The following PAM variants were observed in gnomAD, a reference collection of about 807,000 sequenced individuals.
The protein encoded by PAM is peptidylglycine alpha-amidating monooxygenase, also known as peptidyl-glycine alpha-amidating monooxygenase.
PAM carries 72 observed loss-of-function variants against 122.1 expected under a neutral mutation model. That is an observed-to-expected ratio of 0.59 (90% CI 0.49 to 0.72). The LOEUF is 0.72. Ranked by LOEUF, PAM falls within the 30% of genes least tolerant of loss-of-function variation. The pLI is 0.00. For missense variants in PAM, 1,106 were observed against 1,183.7 expected (o/e 0.93, Z 0.96); for synonymous variants, 389 against 404.4 (o/e 0.96, Z 0.46).
At chr5:102,935,891 C>T (rs1436603157) in intron 7 of PAM, among the ~76,000 whole-genome samples, 1 of 152,124 alleles carries the variant, frequency 6.6e-6, no homozygotes, top group African/African-American at 2.4e-5. Context: ...CTAGTTCAAA[C>T]TAGGCCTACT....
intron 7 of PAM, among the ~76,000 whole-genome samples, chr5:102,930,629 A>G (rs975680589): frequency 6.6e-6 from 1 of 152,190 alleles, no homozygotes; most frequent in Admixed American, 6.5e-5. Context: ...CCTTGCTAGG[A>G]CTTGATTCCT....
chr5:102,949,972 G>A lies in PAM; in HGVS notation c.795G>A (p.Leu265=). The change falls in exon 11 of 26, where the codon CTG becomes CTA. Residue 265 remains leucine, a synonymous_variant. Transcript: ENST00000438793. ...WTLIGRQSPQ[L]PQAFYPVGHP... ...TGATTGGACGGCAGAGCCCTCAGCT[G>A]CCACAGGTGGGTAAAATCTAGTTTA... The A allele has an allele frequency of 1.9e-6, 3 of 1,542,948 alleles. No homozygotes were observed. The highest frequency in any genetic ancestry group is 1.7e-5 in the Admixed American group (1 of 59,674).
Position 102,925,057 on chromosome 5 carries a change from C to T in PAM, c.442+15C>T, listed in dbSNP as rs746916354. On this transcript the variant is annotated intron_variant, in intron 6 of 25. Coordinates refer to ENST00000438793, the MANE Select transcript of PAM (RefSeq NM_001177306.2). ...GCTCCCCAAAGGTATGTCAGAGCCT[C>T]TTGGGTGGTCTTATGTTCAGCTGCT... The T allele has an allele frequency of 3.0e-5, 38 of 1,273,390 alleles. No homozygotes were observed. The highest frequency in any genetic ancestry group is 4.0e-5 in the Non-Finnish European group (35 of 869,060). The allele number at this position is 1,273,390 out of a possible 1,614,324, so 78.9% of individuals were successfully genotyped here.
chr5:103,002,985 A>T (rs1777840565), intron 16 of PAM, 48 bp from the exon 17 acceptor site: 2 of 866,222 alleles, frequency 2.3e-6, no homozygotes, highest in African/African-American at 3.3e-5. Flanking sequence ...TCTCAATTTC[A>T]TTGGAATTTA....
intron 3 of PAM, among the ~76,000 whole-genome samples, chr5:102,886,082 A>G (rs1792999312): frequency 6.6e-6 from 1 of 152,052 alleles, no homozygotes; most frequent in African/African-American, 2.4e-5. Context: ...TTATAAATGT[A>G]TAAATCTGAG....
chr5:102,862,126 C>T (rs974240185), intron 1 of PAM, among the ~76,000 whole-genome samples: 8 of 147,994 alleles, frequency 5.4e-5, no homozygotes, highest in East Asian at 2.0e-4. Flanking sequence ...GCCAAAATTG[C>T]GCCACTGCAC....
chr5:102,860,528 C>A (rs2150867581), intron 1 of PAM, among the ~76,000 whole-genome samples: 1 of 151,902 alleles, frequency 6.6e-6, no homozygotes, highest in South Asian at 2.1e-4. Flanking sequence ...ACAAAAAATA[C>A]AAAACAAATT....
intron 2 of PAM, among the ~76,000 whole-genome samples, chr5:102,866,918 T>C (rs1353843580): frequency 6.6e-6 from 1 of 152,230 alleles, no homozygotes; most frequent in Non-Finnish European, 1.5e-5. Context: ...TTGTAATGTA[T>C]TAATACTATA....
downstream of PAM, chr5:103,030,506 G>A (rs979033424): frequency 6.6e-6 from 1 of 152,194 alleles, no homozygotes; most frequent in Non-Finnish European, 1.5e-5. Flanking sequence ...GAGTACAGAA[G>A]GGAAATTTGG....
At chr5:102,908,574 T>TGGGGTGG (rs1800366433) in intron 4 of PAM, among the ~76,000 whole-genome samples, 2 of 60,840 alleles carry the variant, frequency 3.3e-5, no homozygotes, top group Non-Finnish European at 6.8e-5. Context: ...TTGTGGGGTG[T>TGGGGTGG]GGGGAGGGGG....
chr5:102,902,557 T>C (rs1296763556), intron 4 of PAM, among the ~76,000 whole-genome samples: 1 of 151,548 alleles, frequency 6.6e-6, no homozygotes, highest in African/African-American at 2.4e-5. Context: ...AAGACAAAAA[T>C]AATTTAAGTT....
intron 3 of PAM, among the ~76,000 whole-genome samples, chr5:102,870,871 A>T (rs1447509685): frequency 6.6e-6 from 1 of 152,082 alleles, no homozygotes; most frequent in Non-Finnish European, 1.5e-5. Context: ...TTCTTATTTG[A>T]TTCCCTTTCT....
intron 1 of PAM, among the ~76,000 whole-genome samples, chr5:102,764,949 A>C (rs1183149444): frequency 6.6e-6 from 1 of 152,194 alleles, no homozygotes; most frequent in Non-Finnish European, 1.5e-5. Flanking sequence ...GGCTTTCCAC[A>C]TAATTTATTC....
intron 21 of PAM, among the ~76,000 whole-genome samples, chr5:103,010,452 T>G (rs1351056079): frequency 6.6e-6 from 1 of 152,216 alleles, no homozygotes; most frequent in African/African-American, 2.4e-5. Flanking sequence ...CTGTGTTCAG[T>G]GTGCCCATGG....
intron 1 of PAM, among the ~76,000 whole-genome samples, chr5:102,781,939 A>G (rs573004635): frequency 6.6e-6 from 1 of 152,334 alleles, no homozygotes; most frequent in South Asian, 2.1e-4. Flanking sequence ...CAGGAACTTA[A>G]AAAAGCTTGC....
Position 102,866,245 on chromosome 5 carries a change from G to C in PAM, c.50G>C (p.Ser17Thr), listed in dbSNP as rs1785515769. 6.2e-7 allele frequency: 1 copy of C among 1,613,882 alleles called. No homozygotes were observed. The highest frequency in any genetic ancestry group is 1.3e-5 in the African/African-American group (1 of 75,056). ...SLLVLLVFPSSCLAFRSPLSV... is the reference protein window; with the variant it reads ...SLLVLLVFPSTCLAFRSPLSV... Reference sequence around the variant, plus strand: ...CTAGTTCTCCTTGTTTTTCCAAGCAGCTGTTTGGCTTTCCGAAGCCCACTT... The same window carrying C: ...CTAGTTCTCCTTGTTTTTCCAAGCACCTGTTTGGCTTTCCGAAGCCCACTT... The change falls in exon 2 of 26, where the codon AGC becomes ACC. Residue 17 changes from serine to threonine, a missense_variant. Physicochemically the swap from Ser to Thr is moderately conservative, Grantham distance 58. This residue lies in a region of PAM where 670 missense variants were observed against 690.3 expected (regional missense o/e 0.97). Transcript: ENST00000438793.
At chr5:103,004,903 A>G (rs528628804) in intron 17 of PAM, among the ~76,000 whole-genome samples, 2 of 152,300 alleles carry the variant, frequency 1.3e-5, no homozygotes, top group Non-Finnish European at 2.9e-5. Flanking sequence ...TTTATAATAA[A>G]CATTTGTAAT....
At chr5:102,896,273 G>T (rs929462842) in intron 3 of PAM, among the ~76,000 whole-genome samples, 1 of 151,590 alleles carries the variant, frequency 6.6e-6, no homozygotes, top group Non-Finnish European at 1.5e-5. Flanking sequence ...GAACTACTTG[G>T]TGTTGAGATT....
chr5:102,795,016 C>G (rs1231765233), intron 1 of PAM, among the ~76,000 whole-genome samples: 3 of 151,144 alleles, frequency 2.0e-5, no homozygotes, highest in African/African-American at 7.3e-5. Flanking sequence ...ATAGGGAAAC[C>G]CCATCTCTAC....
Sources: allele counts gnomAD v4.1 joint callset (sites outside exome capture counted in the v4.1 genomes callset), GRCh38; gene constraint gnomAD v4.1.1; regional missense constraint gnomAD v4.1.1; transcripts MANE v1.5; gene names NCBI Gene and HGNC (gene_info 2026-07-23, HGNC 2026-07-21).